The following ABCC4 variants were observed in gnomAD, a reference collection of about 807,000 sequenced individuals.
The protein encoded by ABCC4 is ATP-binding cassette sub-family C member 4.
A neutral mutation model predicts 168.5 loss-of-function variants in ABCC4; 102 were observed. That is an observed-to-expected ratio of 0.61 (90% CI 0.52 to 0.71). The LOEUF is 0.71. ABCC4 is among the 30% of genes least tolerant of loss of function. ABCC4 has a pLI of 0.00. For missense variants in ABCC4, 1,402 were observed against 1,605.8 expected (o/e 0.87, Z 2.17); for synonymous variants, 617 against 590.7 (o/e 1.04, Z -0.65).
intron 27 of ABCC4, among the ~76,000 whole-genome samples, chr13:95,047,675 G>C (rs2032647327): frequency 6.6e-6 from 1 of 151,704 alleles, no homozygotes. Context: ...AGTATAGATG[G>C]GGTTTCACCA....
At chr13:95,153,949 CT>C (rs1228408763) in intron 19 of ABCC4, among the ~76,000 whole-genome samples, 5 of 152,100 alleles carry the variant, frequency 3.3e-5, no homozygotes, top group Non-Finnish European at 7.4e-5. Context: ...CGTATCACCC[CT>C]GATAAGAGTT....
intron 13 of ABCC4, among the ~76,000 whole-genome samples, chr13:95,175,618 C>T (rs12584917): frequency 0.14 from 21,927 of 152,196 alleles, 1,652 homozygotes; most frequent in Non-Finnish European, 0.17. Flanking sequence ...AACACAGAAC[C>T]TTTAGAGAAG....
rs937084019 is a variant in ABCC4 at position 95,020,731 on chromosome 13, T to A, written c.*844A>T. 6.6e-6 allele frequency: 1 copy of A among 152,004 alleles called. No individual in the cohort carries two copies. The highest frequency in any genetic ancestry group is 6.6e-5 in the Admixed American group (1 of 15,256). The allele number at this position is 152,004 out of a possible 1,614,324, so 9.4% of individuals were successfully genotyped here. A position where few individuals can be genotyped will look rare whatever the true frequency, so the allele number is the denominator to read the frequency against. On this transcript the variant is annotated 3_prime_UTR_variant, in exon 31 of 31. Coordinates refer to ENST00000645237, the MANE Select transcript of ABCC4 (RefSeq NM_005845.5). ...GGGTTAGCCTTCCATAAATGAGAAATCCAAAAAAGAATAATGCCACGTATT... is the reference window on the plus strand; with the variant it reads ...GGGTTAGCCTTCCATAAATGAGAAAACCAAAAAAGAATAATGCCACGTATT...
chr13:95,043,834 A>G lies in ABCC4; in HGVS notation c.3630-47T>C, dbSNP rs771486618. 57 of 1,319,896 alleles carry G rather than the reference A, an allele frequency of 4.3e-5. 1 individual carries two copies. In the South Asian group the frequency reaches 6.7e-4, roughly 16 times the overall value. The allele number at this position is 1,319,896 out of a possible 1,614,324, so 81.8% of individuals were successfully genotyped here. ...TTAATTTCGTAAAGATGCAAAAAGT[A>G]GACTTAAGACTTAAAAAGCTCTACT... On this transcript the variant is annotated intron_variant, in intron 28 of 30. Transcript: ENST00000645237.
intron 13 of ABCC4, among the ~76,000 whole-genome samples, chr13:95,171,572 G>GAAA (rs34905884): frequency 7.5e-6 from 1 of 134,200 alleles, no homozygotes; most frequent in Non-Finnish European, 1.6e-5. Context: ...AAAAAAAGGA[G>GAAA]AAAAAAAAAA....
intron 1 of ABCC4, among the ~76,000 whole-genome samples, chr13:95,290,955 G>A (rs906576059): frequency 7.1e-5 from 10 of 141,070 alleles, no homozygotes; most frequent in African/African-American, 2.0e-4. Flanking sequence ...CTGAGGTTGC[G>A]CCACTGCACT....
At chr13:95,168,196 A>G (rs2037348833) in intron 14 of ABCC4, among the ~76,000 whole-genome samples, 1 of 152,126 alleles carries the variant, frequency 6.6e-6, no homozygotes, top group Admixed American at 6.5e-5. Flanking sequence ...GAGAAAGATT[A>G]TTCTACCACC....
chr13:95,088,423 A>G (rs1332822594), intron 20 of ABCC4, among the ~76,000 whole-genome samples: 2 of 152,222 alleles, frequency 1.3e-5, no homozygotes, highest in East Asian at 1.9e-4. Context: ...AAAGGCTACA[A>G]TACTATAGCC....
chr13:95,252,662 G>C (rs973554765), intron 1 of ABCC4, among the ~76,000 whole-genome samples: 1 of 152,078 alleles, frequency 6.6e-6, no homozygotes, highest in South Asian at 2.1e-4. Context: ...GTGACAGAGC[G>C]AGACTGTCTC....
chr13:95,131,875 G>T (rs1555317706), intron 19 of ABCC4, among the ~76,000 whole-genome samples: 1 of 148,594 alleles, frequency 6.7e-6, no homozygotes, highest in Non-Finnish European at 1.5e-5. Context: ...CAGGTGCAAT[G>T]AAAAAAAAAA....
At chr13:95,155,610 G>A (rs191810357) in intron 19 of ABCC4, among the ~76,000 whole-genome samples, 110 of 152,080 alleles carry the variant, frequency 7.2e-4, no homozygotes, top group African/African-American at 2.5e-3. Context: ...CACTGTTGAA[G>A]GCATCGATGA....
At chr13:95,030,031 A>ATCCATCCATAT (rs774833260) in intron 30 of ABCC4, among the ~76,000 whole-genome samples, 1 of 72,906 alleles carries the variant, frequency 1.4e-5, no homozygotes, top group Non-Finnish European at 3.2e-5. Flanking sequence ...ATCCATCCAT[A>ATCCATCCATAT]TTTTTTTGAG....
intron 1 of ABCC4, among the ~76,000 whole-genome samples, chr13:95,287,935 G>A (rs796901316): frequency 2.6e-5 from 4 of 151,594 alleles, no homozygotes; most frequent in African/African-American, 7.3e-5. Context: ...CCAGCTACTC[G>A]GGAGGCTGAG....
chr13:95,074,322 C>A lies in ABCC4; in HGVS notation c.2809G>T (p.Ala937Ser). Residue 937 changes from alanine (A) to serine (S), a missense_variant and splice_region_variant, in exon 23 of 31, where the codon GCT (alanine) becomes TCT (serine). By Grantham distance (99) the Ala-to-Ser change is moderately conservative. Transcript: ENST00000645237. Reference sequence around the variant, plus strand: ...GACGTTGTCAAAAACAAGAACCAAGCCTCTGAATTTGAGAACGGTAATAAG... The same window carrying A: ...GACGTTGTCAAAAACAAGAACCAAGACTCTGAATTTGAGAACGGTAATAAG... ...FDAHQDLHSE[A>S]WFLFLTTSRW... 1 of 1,609,680 alleles carries A rather than the reference C, an allele frequency of 6.2e-7. No individual in the cohort carries two copies.
chr13:95,029,674 T>C (rs2031772857), intron 30 of ABCC4, among the ~76,000 whole-genome samples: 1 of 152,214 alleles, frequency 6.6e-6, no homozygotes, highest in Non-Finnish European at 1.5e-5. Context: ...TCTTTTGCTA[T>C]TATTGGGAGC....
intron 19 of ABCC4, among the ~76,000 whole-genome samples, chr13:95,153,284 T>G (rs1471224315): frequency 6.6e-6 from 1 of 152,194 alleles, no homozygotes; most frequent in Non-Finnish European, 1.5e-5. Flanking sequence ...AATGCCAAAT[T>G]ACTAAGCACA....
At chr13:95,140,367 G>A (rs531401544) in intron 19 of ABCC4, among the ~76,000 whole-genome samples, 6 of 152,282 alleles carry the variant, frequency 3.9e-5, no homozygotes, top group South Asian at 4.1e-4. Flanking sequence ...AAAACCTAAA[G>A]TTTTCTCCAG....
chr13:95,054,954 A>G (rs991945896), intron 26 of ABCC4, among the ~76,000 whole-genome samples: 3 of 152,214 alleles, frequency 2.0e-5, no homozygotes, highest in African/African-American at 7.2e-5. Flanking sequence ...CACCAAAAAC[A>G]TAAGTCCTCA....
intron 3 of ABCC4, among the ~76,000 whole-genome samples, chr13:95,238,391 C>A (rs9590209): frequency 0.018 from 2,801 of 152,186 alleles, 88 homozygotes; most frequent in African/African-American, 0.064. Context: ...TACACGCTCA[C>A]TGATGCTCAG....
Sources: gnomAD v4.1 joint callset for allele counts (sites outside exome capture counted in the v4.1 genomes callset) on GRCh38, gnomAD v4.1.1 for gene constraint, MANE v1.5 for transcripts, NCBI Gene and HGNC (gene_info 2026-07-23, HGNC 2026-07-21) for gene names.